RASD1: variants seen among roughly 807,000 people sequenced by gnomAD.
RASD1 encodes the protein dexamethasone-induced Ras-related protein 1.
Under a neutral mutation model 16.7 loss-of-function variants are expected in RASD1, and 13 were observed. That is an observed-to-expected ratio of 0.78 (90% CI 0.51 to 1.24). The LOEUF is 1.24. Ranked by LOEUF, RASD1 falls within the 50% of genes most tolerant of loss-of-function variation. The pLI, the probability that RASD1 is intolerant of heterozygous loss-of-function variation, is 0.00. For missense variants in RASD1, 397 were observed against 407.5 expected (o/e 0.97, Z 0.22); for synonymous variants, 170 against 172.6 (o/e 0.98, Z 0.12).
Position 17,495,310 on chromosome 17 carries a change from C to T in RASD1, c.661G>A (p.Ala221Thr). Residue 221 changes from alanine to threonine, a missense_variant, in exon 2 of 2, where the codon GCG becomes ACG. Physicochemically the swap from Ala to Thr is moderately conservative, Grantham distance 58 (BLOSUM62 0). Coordinates refer to ENST00000225688, the MANE Select transcript of RASD1 (RefSeq NM_016084.5). ...CGCAGCAGCTTCTTGTTCCGCAGCG[C>T]CTTCTTGTGCAGCACGTCGCAGTAC... is the stretch of plus-strand genomic sequence containing the variant. ...VQYCDVLHKKALRNKKLLRAG... is the reference protein window; with the variant it reads ...VQYCDVLHKKTLRNKKLLRAG... 1 of 1,554,760 alleles carries T rather than the reference C, an allele frequency of 6.4e-7. No individual in the cohort carries two copies. The highest frequency in any genetic ancestry group is 8.7e-7 in the Non-Finnish European group (1 of 1,149,674).
At position 17,496,123 on chromosome 17, in the gene RASD1, G is replaced by A; in HGVS notation, c.59C>T (p.Pro20Leu). 1 of 1,613,796 alleles carries A rather than the reference G, an allele frequency of 6.2e-7. No homozygotes were observed. The highest frequency in any genetic ancestry group is 8.5e-7 in the Non-Finnish European group (1 of 1,179,842). Residue 20 changes from proline (P) to leucine (L), a missense_variant, in exon 1 of 2, where the codon CCG becomes CTG. Coordinates refer to ENST00000225688, the MANE Select transcript of RASD1 (RefSeq NM_016084.5). The part of the protein sequence containing the change: ...MCPSDSELSI[P>L]AKNCYRMVIL... ...GACCATGCGATAGCAGTTCTTGGCCGGGATACTCAGCTCCGAGTCGCTCGG... is the reference window on the plus strand; with the variant it reads ...GACCATGCGATAGCAGTTCTTGGCCAGGATACTCAGCTCCGAGTCGCTCGG...
At position 17,495,581 on chromosome 17, in the gene RASD1, G is replaced by C. The variant is rs1400351719; in HGVS notation, c.390C>G (p.Asn130Lys). ...QILDTKSCLK[N>K]KTKENVDVPL... ...GCACGTCCACGTTCTCCTTGGTTTT[G>C]TTCTTGAGGCAAGACTTGGTGTCGA... Residue 130 changes from asparagine to lysine, a missense_variant, in exon 2 of 2, where the codon AAC (asparagine) becomes AAG (lysine). Transcript: ENST00000225688. 1.2e-6 allele frequency: 2 copies of C among 1,612,940 alleles called. No homozygotes were observed. Among genetic ancestry groups the C allele is most frequent in the African/African-American group, 2.7e-5 (2 of 74,938 alleles).
In RASD1 at chr17:17,495,292, GCTTCTTGTTCCGCAGCGC is replaced by G. The variant is rs1905384147; in HGVS notation, c.661_678del (p.Ala221_Lys226del). 1.3e-6 allele frequency: 2 copies of G among 1,558,228 alleles called. No homozygotes were observed. Among genetic ancestry groups the G allele is most frequent in the South Asian group, 2.3e-5 (2 of 85,588 alleles). ...CCGCCGCCGCTGCCGGCCCGCAGCA[GCTTCTTGTTCCGCAGCGC>G]CTTCTTGTGCAGCACGTCGCAGTAC... On this transcript the variant is annotated inframe_deletion, in exon 2 of 2. Coordinates refer to ENST00000225688, the MANE Select transcript of RASD1 (RefSeq NM_016084.5).
chr17:17,496,364 C>T lies in RASD1; in HGVS notation c.-183G>A. On this transcript the variant is annotated 5_prime_UTR_variant, in exon 1 of 2. Coordinates refer to ENST00000225688, the MANE Select transcript of RASD1 (RefSeq NM_016084.5). The stretch of plus-strand genomic sequence containing the variant: ...GGCTAGGCTGGGCTCGGCTGGGGTT[C>T]TCCCAGGATCTGGGCACAGGCCGCT... The T allele has an allele frequency of 6.4e-6, 4 of 628,276 alleles. No individual in the cohort carries two copies. Among genetic ancestry groups the T allele is most frequent in the Non-Finnish European group, 1.0e-5 (4 of 390,942 alleles). 38.9% of individuals were successfully genotyped at this position (628,276 alleles called of 1,614,324 possible).
Position 17,494,758 on chromosome 17 carries a change from AC to A in RASD1, c.*366del. On this transcript the variant is annotated 3_prime_UTR_variant, in exon 2 of 2. Coordinates refer to ENST00000225688, the MANE Select transcript of RASD1 (RefSeq NM_016084.5). Reference sequence around the variant, plus strand: ...GGGTCCTGACCCTCAAGCGGGCATGACGGTTTCTTGAAGCCTAGCAGAGGCT... The same window carrying A: ...GGGTCCTGACCCTCAAGCGGGCATGAGGTTTCTTGAAGCCTAGCAGAGGCT... 3.3e-6 allele frequency: 1 copy of A among 300,260 alleles called. No individual in the cohort carries two copies. Among genetic ancestry groups the A allele is most frequent in the Non-Finnish European group, 6.2e-6 (1 of 161,196 alleles). The allele number at this position is 300,260 out of a possible 1,614,324, so 18.6% of individuals were successfully genotyped here. A position where few individuals can be genotyped will look rare whatever the true frequency, so the allele number is the denominator to read the frequency against.
In RASD1 at chr17:17,496,108, TAGC is replaced by T; in HGVS notation, c.71_73del (p.Cys24del). The T allele has an allele frequency of 1.9e-6, 3 of 1,614,040 alleles. No homozygotes were observed. Among genetic ancestry groups the T allele is most frequent in the Non-Finnish European group, 2.5e-6 (3 of 1,180,000 alleles). On this transcript the variant is annotated inframe_deletion, in exon 1 of 2. Transcript: ENST00000225688. ...GGACGAGCCGAGGATGACCATGCGA[TAGC>T]AGTTCTTGGCCGGGATACTCAGCTC...
At position 17,495,461 on chromosome 17, in the gene RASD1, G is replaced by A. The variant is rs546805242; in HGVS notation, c.510C>T (p.Arg170=). The change falls in exon 2 of 2, where the codon CGC becomes CGT. Residue 170 remains arginine (R), a synonymous_variant. Coordinates refer to ENST00000225688, the MANE Select transcript of RASD1 (RefSeq NM_016084.5). ...IEQLVGDDPQ[R]CAYFEISAKK... ...TGGCCGAGATCTCGAAGTAGGCGCA[G>A]CGCTGGGGGTCGTCGCCCACCAGCT... The A allele has an allele frequency of 6.2e-7, 1 of 1,609,118 alleles. No individual in the cohort carries two copies. The highest frequency in any genetic ancestry group is 2.2e-5 in the East Asian group (1 of 44,720).
rs771744295 is a variant in RASD1, at chr17:17,495,423, C to G, written c.548G>C (p.Ser183Thr). The G allele has an allele frequency of 1.2e-6, 2 of 1,605,908 alleles. No homozygotes were observed. The highest frequency in any genetic ancestry group is 8.5e-7 in the Non-Finnish European group (1 of 1,176,626). Residue 183 changes from serine (S) to threonine (T), a missense_variant, in exon 2 of 2, where the codon AGC becomes ACC. Coordinates refer to ENST00000225688, the MANE Select transcript of RASD1 (RefSeq NM_016084.5). ...GAGCGCGCGGAACATCTGGTCCAGG[C>G]TGCTGTTCTTCTTGGCCGAGATCTC... The part of the protein sequence containing the change: ...YFEISAKKNS[S>T]LDQMFRALFA...
rs1314198672 is a variant in RASD1, at chr17:17,495,183, C to A, written c.788G>T (p.Arg263Leu). 1.9e-6 allele frequency: 3 copies of A among 1,611,766 alleles called. No homozygotes were observed. Among genetic ancestry groups the A allele is most frequent in the Non-Finnish European group, 2.5e-6 (3 of 1,179,700 alleles). Residue 263 changes from arginine to leucine, a missense_variant, in exon 2 of 2, where the codon CGC (arginine) becomes CTC (leucine). Transcript: ENST00000225688. ...CTGGCTGCCGGCGCTGGCCTTCTCG[C>A]GGATGTACATGAGGTCGCTGTGTAC... is the stretch of plus-strand genomic sequence containing the variant. Reference protein sequence around the residue: ...PSVHSDLMYIREKASAGSQAK... With the variant: ...PSVHSDLMYILEKASAGSQAK...
Position 17,496,223 on chromosome 17 carries a change from G to C in RASD1, c.-42C>G. ...GAGGGCGGGCGCGGGGCCGAGAGAA[G>C]GGCAGAGAGCGGCTGAGGGTCGCTG... On this transcript the variant is annotated 5_prime_UTR_variant, in exon 1 of 2. Transcript: ENST00000225688. The C allele has an allele frequency of 6.5e-7, 1 of 1,528,120 alleles. No homozygotes were observed. Among genetic ancestry groups the C allele is most frequent in the Non-Finnish European group, 8.8e-7 (1 of 1,134,608 alleles). The allele number at this position is 1,528,120 out of a possible 1,614,324, so 94.7% of individuals were successfully genotyped here. A position where few individuals can be genotyped will look rare whatever the true frequency, so the allele number is the denominator to read the frequency against.
At position 17,494,953 on chromosome 17, in the gene RASD1, A is replaced by C. The variant is rs1905359231; in HGVS notation, c.*172T>G. 4.9e-6 allele frequency: 4 copies of C among 815,610 alleles called. No individual in the cohort carries two copies. The Admixed American group carries it at 1.2e-4, about 25-fold the overall frequency. The allele number at this position is 815,610 out of a possible 1,614,324, so 50.5% of individuals were successfully genotyped here. The stretch of plus-strand genomic sequence containing the variant: ...CTTGGCCCGTTCTCTTTCCTTCCGG[A>C]GCAGATGACCGTCCCTTCTCGGTTC... On this transcript the variant is annotated 3_prime_UTR_variant, in exon 2 of 2. Transcript: ENST00000225688.
chr17:17,494,781 G>A lies in RASD1; in HGVS notation c.*344C>T. 2.9e-6 allele frequency: 1 copy of A among 350,206 alleles called. No individual in the cohort carries two copies. Among genetic ancestry groups the A allele is most frequent in the Non-Finnish European group, 5.2e-6 (1 of 192,278 alleles). The allele number at this position is 350,206 out of a possible 1,614,324, so 21.7% of individuals were successfully genotyped here. A position where few individuals can be genotyped will look rare whatever the true frequency, so the allele number is the denominator to read the frequency against. On this transcript the variant is annotated 3_prime_UTR_variant, in exon 2 of 2. Transcript: ENST00000225688. ...TGACGGTTTCTTGAAGCCTAGCAGA[G>A]GCTGGATAACTTCACATCCCTCCCC...
chr17:17,495,767 G>C, intron 1 of RASD1, 83 bp from the exon 2 acceptor site: 1 of 1,469,254 alleles, frequency 6.8e-7, no homozygotes, highest in Non-Finnish European at 9.0e-7. Context: ...GAGGCCGCGC[G>C]GGGCGCGCTA....
At position 17,495,277 on chromosome 17, in the gene RASD1, T is replaced by C. The variant is rs1289767194; in HGVS notation, c.694A>G (p.Ser232Gly). ...CCCGGGTCGCCGCCGCCGCCGCCGC[T>C]GCCGGCCCGCAGCAGCTTCTTGTTC... is the stretch of plus-strand genomic sequence containing the variant. ...LRNKKLLRAG[S>G]GGGGGDPGDA... Residue 232 changes from serine (S) to glycine (G), a missense_variant, in exon 2 of 2, where the codon AGC (serine) becomes GGC (glycine). By Grantham distance (56) the Ser-to-Gly change is moderately conservative (BLOSUM62 0). Transcript: ENST00000225688. 7 of 1,563,354 alleles carry C rather than the reference T, an allele frequency of 4.5e-6. No individual in the cohort carries two copies. The highest frequency in any genetic ancestry group is 2.3e-5 in the South Asian group (2 of 86,280).
Position 17,495,052 on chromosome 17 carries a change from G to T in RASD1, c.*73C>A. The T allele has an allele frequency of 6.4e-7, 1 of 1,556,148 alleles. No individual in the cohort carries two copies. The highest frequency in any genetic ancestry group is 1.4e-5 in the African/African-American group (1 of 72,220). The stretch of plus-strand genomic sequence containing the variant: ...CAGTCCGCGCGCGCTCCCGGCCTGG[G>T]GCGCACCGGGCCGTTGGATTTGACT... On this transcript the variant is annotated 3_prime_UTR_variant, in exon 2 of 2. Coordinates refer to ENST00000225688, the MANE Select transcript of RASD1 (RefSeq NM_016084.5).
Position 17,494,920 on chromosome 17 carries a change from G to T in RASD1, c.*205C>A. 6 of 677,824 alleles carry T rather than the reference G, an allele frequency of 8.9e-6. No homozygotes were observed. In the South Asian group the frequency reaches 1.2e-4, roughly 13 times the overall value. The allele number at this position is 677,824 out of a possible 1,614,324, so 42.0% of individuals were successfully genotyped here. A position where few individuals can be genotyped will look rare whatever the true frequency, so the allele number is the denominator to read the frequency against. On this transcript the variant is annotated 3_prime_UTR_variant, in exon 2 of 2. Transcript: ENST00000225688. The stretch of plus-strand genomic sequence containing the variant: ...AATGGGGGACCGGGGGTGGGGAATA[G>T]TCCCAGTCTTGGCCCGTTCTCTTTC...
chr17:17,496,040 G>A lies in RASD1; in HGVS notation c.142C>T (p.Arg48Cys), dbSNP rs141915492. The A allele has an allele frequency of 2.7e-5, 43 of 1,613,984 alleles. No individual in the cohort carries two copies. The highest frequency in any genetic ancestry group is 3.3e-5 in the Non-Finnish European group (39 of 1,180,034). The change falls in exon 1 of 2, where the codon CGC (arginine) becomes TGC (cysteine). Residue 48 changes from arginine to cysteine, a missense_variant. Physicochemically the swap from Arg to Cys is radical, Grantham distance 180. Coordinates refer to ENST00000225688, the MANE Select transcript of RASD1 (RefSeq NM_016084.5). ...TAIVSRFLTG[R>C]FEDAYTPTIE... ...GTAGGCGTGTAGGCGTCCTCGAAGC[G>A]GCCGGTGAGGAAGCGCGACACGATG... is the stretch of plus-strand genomic sequence containing the variant.
rs1196491761 is a variant in RASD1 at position 17,495,944 on chromosome 17, A to G, written c.238T>C (p.Ser80Pro). Residue 80 changes from serine to proline, a missense_variant, in exon 1 of 2, where the codon TCC becomes CCC. Physicochemically the swap from Ser to Pro is moderately conservative, Grantham distance 74 (BLOSUM62 -1). Transcript: ENST00000225688. ...EVYQLDILDT[S>P]GNHPFPAMRR... Reference sequence around the variant, plus strand: ...ATGGCGGGGAACGGGTGGTTGCCGGACGTGTCGAGGATGTCGAGCTGGTAG... The same window carrying G: ...ATGGCGGGGAACGGGTGGTTGCCGGGCGTGTCGAGGATGTCGAGCTGGTAG... 1 of 1,611,402 alleles carries G rather than the reference A, an allele frequency of 6.2e-7. No homozygotes were observed.
Position 17,496,106 on chromosome 17 carries a change from G to T in RASD1, c.76C>A (p.Arg26Ser). 1 of 1,614,058 alleles carries T rather than the reference G, an allele frequency of 6.2e-7. No individual in the cohort carries two copies. Among genetic ancestry groups the T allele is most frequent in the South Asian group, 1.1e-5 (1 of 91,090 alleles). ...TTGGACGAGCCGAGGATGACCATGC[G>T]ATAGCAGTTCTTGGCCGGGATACTC... Reference protein sequence around the residue: ...ELSIPAKNCYRMVILGSSKVG... With the variant: ...ELSIPAKNCYSMVILGSSKVG... The change falls in exon 1 of 2, where the codon CGC becomes AGC. Residue 26 changes from arginine (R) to serine (S), a missense_variant. Coordinates refer to ENST00000225688, the MANE Select transcript of RASD1 (RefSeq NM_016084.5).
Sources: allele counts gnomAD v4.1 joint callset, GRCh38; gene constraint gnomAD v4.1.1; transcripts MANE v1.5; gene names NCBI Gene and HGNC (gene_info 2026-07-23, HGNC 2026-07-21).